The following CNTN5 variants were observed in gnomAD, a reference collection of about 807,000 sequenced individuals.
The protein encoded by CNTN5 is contactin-5.
Under a neutral mutation model 129.1 loss-of-function variants are expected in CNTN5, and 77 were observed. The ratio of observed to expected loss-of-function variants is 0.60; its 90% CI spans 0.50 to 0.72. The LOEUF (loss-of-function observed/expected upper bound fraction) is 0.72, where lower values mean the gene tolerates loss of function less well. CNTN5 is among the 30% of genes least tolerant of loss of function. CNTN5 has a pLI of 0.00. For missense variants in CNTN5, 1,478 were observed against 1,328.8 expected, an observed-to-expected ratio of 1.11 and a Z score of -1.75; for synonymous variants, 509 against 465.6, an observed-to-expected ratio of 1.09 and a Z score of -1.20.
intron 1 of CNTN5, among the ~76,000 whole-genome samples, chr11:99,259,493 C>A (rs748709267): frequency 7.2e-5 from 11 of 151,852 alleles, no homozygotes; most frequent in Admixed American, 4.6e-4. Flanking sequence ...CTCCAATTCA[C>A]TCCTTTAAAT....
At chr11:100,319,994 T>A (rs771158720) in intron 21 of CNTN5, among the ~76,000 whole-genome samples, 1 of 152,248 alleles carries the variant, frequency 6.6e-6, no homozygotes, top group Non-Finnish European at 1.5e-5. Context: ...ATGTTGGCTA[T>A]CGTGAATAGT....
chr11:100,075,863 G>A (rs560587689), intron 13 of CNTN5, among the ~76,000 whole-genome samples: 9 of 152,256 alleles, frequency 5.9e-5, no homozygotes, highest in African/African-American at 2.2e-4. Context: ...ACAGATGGGA[G>A]AAGATCAAAA....
chr11:100,022,751 T>A (rs1473331704), intron 9 of CNTN5, among the ~76,000 whole-genome samples: 2 of 152,182 alleles, frequency 1.3e-5, no homozygotes, highest in Admixed American at 6.5e-5. Context: ...CTAAGGAATG[T>A]CTTTATTTCA....
At position 99,905,429 on chromosome 11, in the gene CNTN5, T is replaced by A. The variant is rs191513944; in HGVS notation, c.578-10625T>A. ...CCCCATGGCTTGTTTTTGTCAGGTT[T>A]CTCAAAGACCAGATGGTTGTAGATG... On this transcript the variant is annotated intron_variant, in intron 6 of 24. Transcript: ENST00000524871. Among the ~76,000 whole-genome samples, 27 of 152,334 alleles carry A rather than the reference T, an allele frequency of 1.8e-4. No individual in the cohort carries two copies. In the East Asian group the frequency reaches 5.0e-3, roughly 28 times the overall value.
intron 13 of CNTN5, among the ~76,000 whole-genome samples, chr11:100,126,641 T>C (rs2138188230): frequency 6.6e-6 from 1 of 152,250 alleles, no homozygotes; most frequent in Non-Finnish European, 1.5e-5. Context: ...GGTAGATCTT[T>C]CTTGAACCCT....
intron 18 of CNTN5, among the ~76,000 whole-genome samples, chr11:100,294,543 A>G (rs11602983): frequency 0.024 from 3,691 of 151,768 alleles, 52 homozygotes; most frequent in Non-Finnish European, 0.037. Flanking sequence ...CATATGTATA[A>G]ACTTGATTCT....
chr11:99,400,869 T>C (rs1049440856), intron 2 of CNTN5, among the ~76,000 whole-genome samples: 3 of 152,194 alleles, frequency 2.0e-5, no homozygotes, highest in African/African-American at 7.2e-5. Context: ...TTGCCATTTT[T>C]ATGTATTCGT....
chr11:99,705,450 C>G (rs79845953), intron 3 of CNTN5, among the ~76,000 whole-genome samples: 1 of 151,304 alleles, frequency 6.6e-6, no homozygotes, highest in Admixed American at 6.6e-5. Flanking sequence ...TTCACTGATA[C>G]AACTACAGAG....
At chr11:100,025,467 C>T (rs1168712760) in intron 9 of CNTN5, among the ~76,000 whole-genome samples, 1 of 152,174 alleles carries the variant, frequency 6.6e-6, no homozygotes, top group African/African-American at 2.4e-5. Context: ...CCCACTGGGG[C>T]ACTGCCTACT....
intron 15 of CNTN5, among the ~76,000 whole-genome samples, chr11:100,204,099 A>G (rs977601428): frequency 6.6e-6 from 1 of 150,850 alleles, no homozygotes; most frequent in Non-Finnish European, 1.5e-5. Flanking sequence ...ACATTTGCTC[A>G]GTTTTTTTTC....
chr11:99,106,542 T>C (rs975802900), intron 1 of CNTN5, among the ~76,000 whole-genome samples: 14 of 152,072 alleles, frequency 9.2e-5, no homozygotes, highest in Non-Finnish European at 1.6e-4. Context: ...ACTACAGTAA[T>C]ACATTTGGTT....
At chr11:100,067,034 T>C (rs1014613703) in intron 10 of CNTN5, among the ~76,000 whole-genome samples, 22 of 152,010 alleles carry the variant, frequency 1.4e-4, no homozygotes, top group African/African-American at 4.8e-4. Flanking sequence ...CACATAATGT[T>C]TTTTGCCTCG....
chr11:99,852,542 C>T (rs1286602557), intron 6 of CNTN5, among the ~76,000 whole-genome samples: 1 of 152,114 alleles, frequency 6.6e-6, no homozygotes. Context: ...TTAGACTACC[C>T]TCACACTCTT....
chr11:100,179,442 C>T (rs1233468336), intron 13 of CNTN5, among the ~76,000 whole-genome samples: 4 of 152,162 alleles, frequency 2.6e-5, no homozygotes, highest in Admixed American at 2.0e-4. Context: ...TTCTACAGTA[C>T]TGTAAGAGTA....
intron 3 of CNTN5, among the ~76,000 whole-genome samples, chr11:99,705,415 T>G (rs1954712220): frequency 6.6e-6 from 1 of 151,320 alleles, no homozygotes; most frequent in South Asian, 2.1e-4. Flanking sequence ...CAGAAAAGAC[T>G]CCATGCCTAC....
chr11:99,532,628 T>G (rs1191709116), intron 2 of CNTN5, among the ~76,000 whole-genome samples: 1 of 152,176 alleles, frequency 6.6e-6, no homozygotes, highest in Non-Finnish European at 1.5e-5. Flanking sequence ...TGGCCAGTCT[T>G]TCCCATGTTA....
intron 8 of CNTN5, among the ~76,000 whole-genome samples, chr11:100,000,148 AAAGTAT>A (rs1401405124): frequency 6.6e-6 from 1 of 152,020 alleles, no homozygotes; most frequent in Non-Finnish European, 1.5e-5. Flanking sequence ...CCTAAAACTT[AAAGTAT>A]AATAATAATA....
At chr11:99,145,995 A>G (rs1209161274) in intron 1 of CNTN5, among the ~76,000 whole-genome samples, 1 of 151,884 alleles carries the variant, frequency 6.6e-6, no homozygotes, top group African/African-American at 2.4e-5. Flanking sequence ...TTCTATTCTC[A>G]CATATAGTAT....
rs1160618256 is a variant in CNTN5, at chr11:99,470,028, G to T, written c.-70-86117G>T. On this transcript the variant is annotated intron_variant, in intron 2 of 24. Coordinates refer to ENST00000524871, the MANE Select transcript of CNTN5 (RefSeq NM_014361.4). ...GAGGTTCAAAGAGTTAGAGCAGCCTGTCCAAGACAGCACATCCATGAGGTG... is the reference window on the plus strand; with the variant it reads ...GAGGTTCAAAGAGTTAGAGCAGCCTTTCCAAGACAGCACATCCATGAGGTG... Among the ~76,000 whole-genome samples, 4 of 152,248 alleles carry T rather than the reference G, an allele frequency of 2.6e-5. No homozygotes were observed. The East Asian group carries it at 7.7e-4, about 29-fold the overall frequency.
Sources: allele counts gnomAD v4.1 joint callset (sites outside exome capture counted in the v4.1 genomes callset), GRCh38; gene constraint gnomAD v4.1.1; transcripts MANE v1.5; gene names NCBI Gene and HGNC (gene_info 2026-07-23, HGNC 2026-07-21).